The following ST7L variants were observed in gnomAD, a reference collection of about 807,000 sequenced individuals.
ST7L encodes the protein suppressor of tumorigenicity 7 protein-like.
Under a neutral mutation model 72.5 loss-of-function variants are expected in ST7L, and 57 were observed. The ratio of observed to expected loss-of-function variants is 0.79; its 90% CI spans 0.64 to 0.98. The LOEUF is 0.98. ST7L is among the 50% of genes least tolerant of loss of function. The pLI is 0.00. For synonymous variants in ST7L, 221 were observed against 240.9 expected (o/e 0.92, Z 0.77); for missense variants, 576 against 672.2 (o/e 0.86, Z 1.58).
At chr1:112,576,723 A>G (rs1228419324) in intron 11 of ST7L, among the ~76,000 whole-genome samples, 1 of 152,248 alleles carries the variant, frequency 6.6e-6, no homozygotes, top group Non-Finnish European at 1.5e-5. Flanking sequence ...TTCTACAACT[A>G]TACTAAAAGA....
chr1:112,519,983 C>A (rs920365515), downstream of ST7L, among the ~76,000 whole-genome samples: 7 of 149,440 alleles, frequency 4.7e-5, no homozygotes, highest in Admixed American at 4.8e-4. Flanking sequence ...GTGTTACTTT[C>A]ACCTCAGCCT....
rs567601091 is a variant in ST7L at position 112,551,138 on chromosome 1, C to CTTTTTTTTTTT, written c.1397-456_1397-446dup. 5.7e-4 allele frequency among the ~76,000 whole-genome samples: 44 copies of CTTTTTTTTTTT among 77,224 alleles called. 6 individuals are homozygous for CTTTTTTTTTTT. Among genetic ancestry groups the CTTTTTTTTTTT allele is most frequent in the African/African-American group, 2.8e-3 (44 of 15,784 alleles). 50.7% of individuals were successfully genotyped at this position (77,224 alleles called of 152,430 possible). The stretch of plus-strand genomic sequence containing the variant: ...TCACCAAAGCTTTCTATGAGCAGAT[C>CTTTTTTTTTTT]TTTTTTTTTTTTTTTTTTTTTTTTT... On this transcript the variant is annotated intron_variant, in intron 12 of 14. Transcript: ENST00000358039.
downstream of ST7L, among the ~76,000 whole-genome samples, chr1:112,518,696 T>C (rs1557923674): frequency 6.6e-6 from 1 of 152,144 alleles, no homozygotes; most frequent in South Asian, 2.1e-4. Context: ...GGAAGGAACT[T>C]TGGAGTTAGG....
intron 11 of ST7L, among the ~76,000 whole-genome samples, chr1:112,572,113 A>C (rs1662237675): frequency 6.6e-6 from 1 of 152,244 alleles, no homozygotes; most frequent in South Asian, 2.1e-4. Context: ...TAATATTTTA[A>C]AAAGAATCAT....
intron 11 of ST7L, 76 bp from the exon 12 acceptor site, chr1:112,556,094 C>A: frequency 8.8e-7 from 1 of 1,133,048 alleles, no homozygotes; most frequent in East Asian, 2.9e-5. Context: ...TTCAAACACC[C>A]ACAAAAATGT....
chr1:112,603,198 A>G (rs1667698015), intron 3 of ST7L, among the ~76,000 whole-genome samples: 1 of 152,194 alleles, frequency 6.6e-6, no homozygotes, highest in South Asian at 2.1e-4. Flanking sequence ...AATGGTGATG[A>G]TATTAACAAG....
At chr1:112,559,232 T>A (rs773826480) in intron 11 of ST7L, among the ~76,000 whole-genome samples, 49 of 152,198 alleles carry the variant, frequency 3.2e-4, no homozygotes, top group Admixed American at 1.3e-3. Flanking sequence ...CAATTTGATG[T>A]GTCAAAAAAT....
chr1:112,552,364 G>A (rs116119045), intron 12 of ST7L, among the ~76,000 whole-genome samples: 1,551 of 152,002 alleles, frequency 0.01, 22 homozygotes, highest in South Asian at 0.027. Context: ...TTTTCCTTTC[G>A]TGTTTGGCTC....
intron 6 of ST7L, among the ~76,000 whole-genome samples, chr1:112,586,603 T>C (rs975945257): frequency 9.9e-5 from 15 of 152,224 alleles, no homozygotes; most frequent in African/African-American, 3.6e-4. Context: ...TGAATGTATA[T>C]ACTTTTAATG....
chr1:112,564,502 G>A (rs1348093321), intron 11 of ST7L, among the ~76,000 whole-genome samples: 1 of 152,130 alleles, frequency 6.6e-6, no homozygotes, highest in Non-Finnish European at 1.5e-5. Flanking sequence ...TATGATATAA[G>A]TAGTTTAGCC....
rs1220663343 is a variant in ST7L at position 112,576,995 on chromosome 1, A to C, written c.1236T>G (p.His412Gln). 6.3e-7 allele frequency: 1 copy of C among 1,599,220 alleles called. No individual in the cohort carries two copies. The highest frequency in any genetic ancestry group is 8.5e-7 in the Non-Finnish European group (1 of 1,171,238). ...TCATAAAATTTCTCACTTTTGGAAC[A>C]TGAGGATTAAATTCCACAGCTCTAT... ...AIHRAVEFNP[H>Q]VPKYLLEMKS... Residue 412 changes from histidine (H) to glutamine (Q), a missense_variant, in exon 11 of 15, where the codon CAT becomes CAG. This residue lies in a region of ST7L where 511 missense variants were observed against 600.7 expected (regional missense o/e 0.85). Transcript: ENST00000358039.
Position 112,619,060 on chromosome 1 carries a change from T to C in ST7L, c.54A>G (p.Ala18=), listed in dbSNP as rs781324128. Residue 18 remains alanine (A), a synonymous_variant, in exon 1 of 15, where the codon GCA becomes GCG. Transcript: ENST00000358039. ...GEAAAVGASP[A]SVPGLNPTLG... ...GCGTCGGGTTTAGGCCAGGGACAGATGCAGGAGACGCTCCAACAGCTGCGG... is the reference window on the plus strand; with the variant it reads ...GCGTCGGGTTTAGGCCAGGGACAGACGCAGGAGACGCTCCAACAGCTGCGG... 1.5e-5 allele frequency: 24 copies of C among 1,613,794 alleles called. No homozygotes were observed. Among genetic ancestry groups the C allele is most frequent in the Admixed American group, 8.3e-5 (5 of 60,008 alleles).
At chr1:112,574,817 C>G (rs1465718048) in intron 11 of ST7L, among the ~76,000 whole-genome samples, 1 of 151,990 alleles carries the variant, frequency 6.6e-6, no homozygotes, top group Non-Finnish European at 1.5e-5. Flanking sequence ...GTCAGGTAGG[C>G]GTCTGTGGGT....
At chr1:112,572,523 A>G (rs961226854) in intron 11 of ST7L, among the ~76,000 whole-genome samples, 1 of 152,244 alleles carries the variant, frequency 6.6e-6, no homozygotes, top group Admixed American at 6.5e-5. Context: ...TTTGTTTATT[A>G]TATCTACCTT....
chr1:112,596,657 A>G (rs1441248750), intron 5 of ST7L, among the ~76,000 whole-genome samples: 1 of 149,316 alleles, frequency 6.7e-6, no homozygotes, highest in African/African-American at 2.5e-5. Flanking sequence ...TTTTTTTTTG[A>G]GATGCAGTCT....
At chr1:112,581,854 CT>C (rs1664174341) in intron 9 of ST7L, 137 bp downstream of exon 9, 2 of 655,114 alleles carry the variant, frequency 3.1e-6, no homozygotes, top group Admixed American at 6.2e-5. Context: ...AAAGAAGATA[CT>C]AAATAGCAAC....
intron 8 of ST7L, 73 bp from the exon 9 acceptor site, chr1:112,582,179 A>G: frequency 8.4e-7 from 1 of 1,189,372 alleles, no homozygotes; most frequent in East Asian, 2.4e-5. Context: ...AGATTCATTA[A>G]GTAGAAATTC....
chr1:112,610,945 AC>A lies in ST7L; in HGVS notation c.346del (p.Val116Ter). 6.2e-7 allele frequency: 1 copy of A among 1,614,224 alleles called. No individual in the cohort carries two copies. Among genetic ancestry groups the A allele is most frequent in the Non-Finnish European group, 8.5e-7 (1 of 1,180,032 alleles). On this transcript the variant is annotated frameshift_variant, in exon 3 of 15. Transcript: ENST00000358039. LOFTEE classifies it high-confidence loss of function. ...HGTSFIEQVS[V>X]SHLQPLMGGT... ...TCCCATCAGTGGTTGCAAATGGCTT[AC>A]AGATACTTGCTCAATAAAAGATGTG...
At chr1:112,603,371 C>T (rs936992254) in intron 3 of ST7L, among the ~76,000 whole-genome samples, 2 of 152,128 alleles carry the variant, frequency 1.3e-5, no homozygotes, top group Non-Finnish European at 2.9e-5. Context: ...TTTCACATAA[C>T]AGAGCATGCA....
Sources: allele counts gnomAD v4.1 joint callset (sites outside exome capture counted in the v4.1 genomes callset), GRCh38; gene constraint gnomAD v4.1.1; regional missense constraint gnomAD v4.1.1; transcripts MANE v1.5; gene names NCBI Gene and HGNC (gene_info 2026-07-23, HGNC 2026-07-21).